Variants in LIN28B observed in about 807,000 individuals in gnomAD.
LIN28B encodes the protein lin-28 RNA binding posttranscriptional regulator B.
In LIN28B, 5 loss-of-function variants were observed where a neutral mutation model predicts 21.9. That is an observed-to-expected ratio of 0.23 (90% CI 0.12 to 0.48). The LOEUF (loss-of-function observed/expected upper bound fraction) is 0.48. LIN28B is among the 20% of genes least tolerant of loss of function. The pLI, the probability that LIN28B is intolerant of heterozygous loss-of-function variation, is 0.98. For missense variants in LIN28B, 245 were observed against 310.5 expected (o/e 0.79, Z 1.58); for synonymous variants, 109 against 111.3 (o/e 0.98, Z 0.13).
intron 2 of LIN28B, among the ~76,000 whole-genome samples, chr6:104,983,516 G>A (rs1187183537): frequency 6.6e-6 from 1 of 152,178 alleles, no homozygotes; most frequent in Admixed American, 6.5e-5. Context: ...ATTATTATCA[G>A]TTTTACTGTC....
At chr6:104,995,592 G>A (rs1388732133) in intron 2 of LIN28B, among the ~76,000 whole-genome samples, 3 of 151,936 alleles carry the variant, frequency 2.0e-5, no homozygotes, top group Non-Finnish European at 4.4e-5. Context: ...ATGTAGAGTG[G>A]GAAGAAAAGA....
chr6:104,945,767 A>G (rs1292682122), intron 2 of LIN28B, among the ~76,000 whole-genome samples: 3 of 152,136 alleles, frequency 2.0e-5, no homozygotes, highest in Non-Finnish European at 2.9e-5. Flanking sequence ...CTGTGGCTCA[A>G]CTGTGTTATA....
intron 2 of LIN28B, among the ~76,000 whole-genome samples, chr6:104,963,995 G>A (rs888157220): frequency 3.3e-5 from 5 of 152,172 alleles, no homozygotes; most frequent in East Asian, 3.9e-4. Flanking sequence ...TGTTATCTGC[G>A]TTCACCTTGG....
chr6:104,967,156 A>G (rs1470971900), intron 2 of LIN28B, among the ~76,000 whole-genome samples: 1 of 151,984 alleles, frequency 6.6e-6, no homozygotes, highest in Non-Finnish European at 1.5e-5. Context: ...ATTAATTCAT[A>G]TGCATTTTAC....
intron 2 of LIN28B, among the ~76,000 whole-genome samples, chr6:105,016,106 A>G (rs1771020584): frequency 6.6e-6 from 1 of 152,212 alleles, no homozygotes; most frequent in African/African-American, 2.4e-5. Flanking sequence ...TTCTTCAGCC[A>G]TCATCTATTA....
chr6:105,036,809 A>G (rs916952091), intron 3 of LIN28B, among the ~76,000 whole-genome samples: 5 of 152,210 alleles, frequency 3.3e-5, no homozygotes, highest in Non-Finnish European at 5.9e-5. Context: ...TTAAGAAGTA[A>G]CTTAGCTTTC....
intron 2 of LIN28B, among the ~76,000 whole-genome samples, chr6:104,982,568 C>A (rs1006880087): frequency 2.0e-5 from 3 of 152,084 alleles, no homozygotes; most frequent in Non-Finnish European, 4.4e-5. Context: ...TGCTGTCAAT[C>A]TCCATGATAG....
At chr6:105,065,697 GTCT>G (rs1772207263) in intron 3 of LIN28B, among the ~76,000 whole-genome samples, 1 of 152,204 alleles carries the variant, frequency 6.6e-6, no homozygotes, top group Non-Finnish European at 1.5e-5. Flanking sequence ...GCTTGGGATA[GTCT>G]TCTTTTGGCT....
intron 3 of LIN28B, among the ~76,000 whole-genome samples, chr6:105,049,643 C>T (rs545440942): frequency 2.6e-5 from 4 of 151,086 alleles, no homozygotes; most frequent in Non-Finnish European, 4.4e-5. Context: ...GTCTAAGTCT[C>T]TTTGTAGTTC....
intron 2 of LIN28B, among the ~76,000 whole-genome samples, chr6:104,959,465 A>G (rs1374718741): frequency 6.6e-6 from 1 of 152,234 alleles, no homozygotes. Flanking sequence ...AAATATATAA[A>G]CAATAGAAAC....
intron 3 of LIN28B, among the ~76,000 whole-genome samples, chr6:105,060,848 C>CAAGAAAACATAAAAGTGGGAAT (rs1772111189): frequency 1.3e-5 from 2 of 151,918 alleles, no homozygotes; most frequent in South Asian, 2.1e-4. Context: ...TTTGAGATTA[C>CAAGAAAACATAAAAGTGGGAAT]AAGAAAACAT....
rs1266920759 is a variant in LIN28B at position 105,055,891 on chromosome 6, CTGAG to C, written c.384-22521_384-22518del. On this transcript the variant is annotated intron_variant, in intron 3 of 3. Transcript: ENST00000345080. ...CAAGCAGTCCTCCCATCTCAGCCTC[CTGAG>C]TATGTGCACGCCACCATGCCTGGCT... Among the ~76,000 whole-genome samples the C allele has an allele frequency of 6.1e-5, 9 of 148,152 alleles. No individual in the cohort carries two copies. The East Asian group carries it at 1.8e-3, about 30-fold the overall frequency.
intron 2 of LIN28B, among the ~76,000 whole-genome samples, chr6:104,968,977 G>A (rs1769918500): frequency 6.6e-6 from 1 of 152,080 alleles, no homozygotes; most frequent in African/African-American, 2.4e-5. Flanking sequence ...TTTTGCTTAT[G>A]ATATATAAGC....
chr6:105,011,067 C>T (rs1018262647), intron 2 of LIN28B, among the ~76,000 whole-genome samples: 1 of 152,202 alleles, frequency 6.6e-6, no homozygotes, highest in African/African-American at 2.4e-5. Flanking sequence ...AGCCGACTCT[C>T]CTTTGTTCCA....
intron 2 of LIN28B, among the ~76,000 whole-genome samples, chr6:105,013,451 G>A (rs1366532835): frequency 2.0e-5 from 3 of 151,402 alleles, no homozygotes; most frequent in Admixed American, 1.3e-4. Context: ...ATCAAGTTAC[G>A]TTCTGGCCAA....
chr6:105,041,165 G>T (rs944573286), intron 3 of LIN28B, among the ~76,000 whole-genome samples: 1 of 152,024 alleles, frequency 6.6e-6, no homozygotes, highest in African/African-American at 2.4e-5. Context: ...TCCCGCCTCA[G>T]CCTCCCAGAG....
intron 2 of LIN28B, among the ~76,000 whole-genome samples, chr6:104,977,846 G>A (rs1286456126): frequency 3.3e-5 from 5 of 151,964 alleles, no homozygotes; most frequent in East Asian, 3.9e-4. Flanking sequence ...GATTACAGGC[G>A]TGAGCCACCG....
chr6:104,948,839 C>A (rs1275394056), intron 2 of LIN28B, among the ~76,000 whole-genome samples: 2 of 151,988 alleles, frequency 1.3e-5, no homozygotes, highest in African/African-American at 4.8e-5. Context: ...ACTAGTATAA[C>A]CAAGGACATC....
chr6:105,009,585 T>C lies in LIN28B; in HGVS notation c.199-16713T>C, dbSNP rs1007497648. ...TAAAAGAAAAGTAGACACACTTTTGTTGATTCATTTTCTATACTACCTGTC... is the reference window on the plus strand; with the variant it reads ...TAAAAGAAAAGTAGACACACTTTTGCTGATTCATTTTCTATACTACCTGTC... On this transcript the variant is annotated intron_variant, in intron 2 of 3. Transcript: ENST00000345080. Among the ~76,000 whole-genome samples the C allele has an allele frequency of 3.9e-5, 6 of 152,220 alleles. No homozygotes were observed. The South Asian group carries it at 1.2e-3, about 32-fold the overall frequency.
Sources: allele counts gnomAD v4.1 joint callset (sites outside exome capture counted in the v4.1 genomes callset), GRCh38; gene constraint gnomAD v4.1.1; transcripts MANE v1.5; gene names NCBI Gene and HGNC (gene_info 2026-07-23, HGNC 2026-07-21).